SUZ12: variants seen among roughly 807,000 people sequenced by gnomAD.
SUZ12 encodes polycomb protein SUZ12.
SUZ12 carries 17 observed loss-of-function variants against 87.3 expected under a neutral mutation model. The ratio of observed to expected loss-of-function variants is 0.19; its 90% CI spans 0.13 to 0.29. The LOEUF is 0.29. Ranked by LOEUF, SUZ12 falls within the 10% of genes least tolerant of loss-of-function variation. The pLI is 1.00. For synonymous variants in SUZ12, 253 were observed against 312.4 expected (o/e 0.81, Z 2.01); for missense variants, 526 against 912.2 (o/e 0.58, Z 5.45).
At chr17:31,955,702 C>T (rs534433200) in intron 4 of SUZ12, among the ~76,000 whole-genome samples, 4 of 151,496 alleles carry the variant, frequency 2.6e-5, no homozygotes, top group South Asian at 2.1e-4. Context: ...GAGGAGAGAT[C>T]GCGCCATTGC....
chr17:31,954,582 G>GT (rs11417593), intron 4 of SUZ12, among the ~76,000 whole-genome samples: 27,617 of 151,854 alleles, frequency 0.18, 3,105 homozygotes, highest in African/African-American at 0.31. Flanking sequence ...GGAGCTTAGT[G>GT]TTAGGGGAGA....
chr17:31,994,729 A>G lies in SUZ12; in HGVS notation c.1595+8A>G, dbSNP rs773872541. 6.2e-7 allele frequency: 1 copy of G among 1,610,690 alleles called. No homozygotes were observed. Among genetic ancestry groups the G allele is most frequent in the Non-Finnish European group, 8.5e-7 (1 of 1,178,496 alleles). On this transcript the variant is annotated splice_region_variant and intron_variant, in intron 13 of 15. Coordinates refer to ENST00000322652, the MANE Select transcript of SUZ12 (RefSeq NM_015355.4). ...ACATATTCTTGTGTGCAGGTAGGTAAAAAGGGCATATAAGAAAAGTTTAAG... is the reference window on the plus strand; with the variant it reads ...ACATATTCTTGTGTGCAGGTAGGTAGAAAGGGCATATAAGAAAAGTTTAAG...
At chr17:31,968,740 T>C (rs1908238900) in intron 5 of SUZ12, among the ~76,000 whole-genome samples, 1 of 152,196 alleles carries the variant, frequency 6.6e-6, no homozygotes, top group South Asian at 2.1e-4. Context: ...GTGGTACTTC[T>C]GACGTGTCTA....
intron 8 of SUZ12, among the ~76,000 whole-genome samples, chr17:31,982,400 G>A (rs1654736423): frequency 1.3e-5 from 2 of 152,278 alleles, no homozygotes; most frequent in East Asian, 1.9e-4. Context: ...GGTGGTTCAC[G>A]CCTGTAATCC....
intron 10 of SUZ12, among the ~76,000 whole-genome samples, chr17:31,989,098 T>A (rs554456319): frequency 6.6e-6 from 1 of 151,852 alleles, no homozygotes; most frequent in African/African-American, 2.4e-5. Context: ...AGTCAATAAA[T>A]TAAAAAAGTA....
In SUZ12 at chr17:31,973,840, T is replaced by C. The variant is rs565050900; in HGVS notation, c.591+609T>C. Among the ~76,000 whole-genome samples the C allele has an allele frequency of 2.0e-5, 3 of 152,314 alleles. No individual in the cohort carries two copies. The East Asian group carries it at 5.8e-4, about 29-fold the overall frequency. ...TGGGTCCAGGGTCCCAGTGCTGATA[T>C]TCTTCCAAGACCATAGGCCATAAGG... On this transcript the variant is annotated intron_variant, in intron 6 of 15. Coordinates refer to ENST00000322652, the MANE Select transcript of SUZ12 (RefSeq NM_015355.4).
chr17:31,938,368 T>G (rs989365768), intron 1 of SUZ12, among the ~76,000 whole-genome samples: 1 of 152,220 alleles, frequency 6.6e-6, no homozygotes, highest in Non-Finnish European at 1.5e-5. Context: ...AGCTAAATAA[T>G]CTTACAGAAA....
At chr17:31,983,470 C>T (rs984573014) in intron 9 of SUZ12, among the ~76,000 whole-genome samples, 13 of 151,722 alleles carry the variant, frequency 8.6e-5, no homozygotes, top group African/African-American at 7.3e-5. Flanking sequence ...TCAGTAGAGA[C>T]GGGGTTTGAC....
intron 4 of SUZ12, among the ~76,000 whole-genome samples, chr17:31,952,482 C>T (rs959167754): frequency 3.9e-5 from 6 of 152,152 alleles, no homozygotes; most frequent in African/African-American, 1.4e-4. Context: ...TAGAATAAAT[C>T]TCTTGCCTTT....
intron 3 of SUZ12, among the ~76,000 whole-genome samples, chr17:31,942,423 C>T (rs1434898914): frequency 6.6e-6 from 1 of 151,964 alleles, no homozygotes; most frequent in Non-Finnish European, 1.5e-5. Flanking sequence ...GCAACCTCCA[C>T]CTCGCGGGTT....
intron 10 of SUZ12, among the ~76,000 whole-genome samples, chr17:31,992,089 C>A (rs1488719424): frequency 3.3e-5 from 5 of 151,574 alleles, no homozygotes; most frequent in African/African-American, 9.7e-5. Flanking sequence ...CTCAGGAGTT[C>A]AAGACCAGCC....
At chr17:31,993,792 GA>G in intron 11 of SUZ12, 72 bp from the exon 12 acceptor site, 2 of 1,419,500 alleles carry the variant, frequency 1.4e-6, no homozygotes, top group South Asian at 2.6e-5. Flanking sequence ...ACTATTTTTA[GA>G]AGTGATATTT....
In SUZ12 at chr17:31,937,467, C is replaced by T. The variant is rs1364588378; in HGVS notation, c.221C>T (p.Pro74Leu). 6.5e-7 allele frequency: 1 copy of T among 1,541,042 alleles called. No homozygotes were observed. Among genetic ancestry groups the T allele is most frequent in the Non-Finnish European group, 8.7e-7 (1 of 1,145,188 alleles). Residue 74 changes from proline (P) to leucine (L), a missense_variant, in exon 1 of 16, where the codon CCG becomes CTG. Coordinates refer to ENST00000322652, the MANE Select transcript of SUZ12 (RefSeq NM_015355.4). ...GCTGCGGTGTTACCGGTGAAGAAGC[C>T]GAAAATGGAGCACGTCCAGGCTGAC... ...AGAAVLPVKKPKMEHVQADHE... is the reference protein window; with the variant it reads ...AGAAVLPVKKLKMEHVQADHE...
Position 31,977,786 on chromosome 17 carries a change from G to C in SUZ12, c.917+1172G>C, listed in dbSNP as rs1427627016. Among the ~76,000 whole-genome samples, 4 of 152,060 alleles carry C rather than the reference G, an allele frequency of 2.6e-5. No homozygotes were observed. The East Asian group carries it at 5.9e-4, about 22-fold the overall frequency. On this transcript the variant is annotated intron_variant, in intron 8 of 15. Coordinates refer to ENST00000322652, the MANE Select transcript of SUZ12 (RefSeq NM_015355.4). The stretch of plus-strand genomic sequence containing the variant: ...TGCCTGTAATCCCAGCTACTCAGGA[G>C]GCCGAGGCAGGGGAATCGCTTGAAC...
chr17:31,946,131 A>T (rs1377393087), intron 3 of SUZ12, among the ~76,000 whole-genome samples: 1 of 152,148 alleles, frequency 6.6e-6, no homozygotes, highest in Non-Finnish European at 1.5e-5. Flanking sequence ...GGCTCTTCTC[A>T]TTCACTTGAA....
intron 4 of SUZ12, among the ~76,000 whole-genome samples, chr17:31,948,041 G>A (rs1045799934): frequency 3.3e-5 from 5 of 151,994 alleles, no homozygotes; most frequent in African/African-American, 1.2e-4. Context: ...ACTGTGGCAG[G>A]GACTTCACAA....
chr17:31,952,981 CG>C (rs1403054538), intron 4 of SUZ12, among the ~76,000 whole-genome samples: 19 of 152,166 alleles, frequency 1.2e-4, no homozygotes, highest in Admixed American at 1.1e-3. Flanking sequence ...CAGGGCCAAA[CG>C]AAGCAAAATG....
At position 31,969,397 on chromosome 17, in the gene SUZ12, C is replaced by T. The variant is rs543849841; in HGVS notation, c.505+3201C>T. On this transcript the variant is annotated intron_variant, in intron 5 of 15. Coordinates refer to ENST00000322652, the MANE Select transcript of SUZ12 (RefSeq NM_015355.4). ...CTCCCGATCTCAGGTGATTTGCCCA[C>T]CTCGGCCTCCCAAAGTGCTGGGATT... Among the ~76,000 whole-genome samples, 5 of 152,296 alleles carry T rather than the reference C, an allele frequency of 3.3e-5. No individual in the cohort carries two copies. In the South Asian group the frequency reaches 1.0e-3, roughly 32 times the overall value.
chr17:31,999,846 C>T lies in SUZ12; in HGVS notation c.*843C>T, dbSNP rs1293951353. 8.6e-6 allele frequency: 2 copies of T among 231,900 alleles called. No individual in the cohort carries two copies. The highest frequency in any genetic ancestry group is 2.2e-5 in the African/African-American group (1 of 45,158). 14.4% of individuals were successfully genotyped at this position (231,900 alleles called of 1,614,324 possible). ...TGTTCATATCTTTAAATTAGGATTG[C>T]AAACCAAGGAAAGAACGCATTTGAG... On this transcript the variant is annotated 3_prime_UTR_variant, in exon 16 of 16. Transcript: ENST00000322652.
Sources: gnomAD v4.1 joint callset for allele counts (sites outside exome capture counted in the v4.1 genomes callset) on GRCh38, gnomAD v4.1.1 for gene constraint, MANE v1.5 for transcripts, NCBI Gene and HGNC (gene_info 2026-07-23, HGNC 2026-07-21) for gene names.